The following LSM14A variants were observed in gnomAD, a reference collection of about 807,000 sequenced individuals.
LSM14A encodes protein LSM14 homolog A.
Under a neutral mutation model 52.4 loss-of-function variants are expected in LSM14A, and 14 were observed. The ratio of observed to expected loss-of-function variants is 0.27; its 90% CI spans 0.18 to 0.42. The LOEUF is 0.42. Among genes scored for constraint, LSM14A ranks in the 10% least tolerant of loss-of-function variants. The probability of loss-of-function intolerance (pLI) is 1.00; values close to 1 mark genes in which losing one functional copy is unlikely to be tolerated. For missense variants in LSM14A, 417 were observed against 581.8 expected, an observed-to-expected ratio of 0.72 and a Z score of 2.91; for synonymous variants, 185 against 200.3, an observed-to-expected ratio of 0.92 and a Z score of 0.64.
intron 3 of LSM14A, among the ~76,000 whole-genome samples, chr19:34,206,945 C>A (rs1007964312): frequency 1.3e-5 from 2 of 152,026 alleles, no homozygotes; most frequent in Admixed American, 6.6e-5. Context: ...GTTAACAGAC[C>A]AGGAATAAAG....
intron 3 of LSM14A, among the ~76,000 whole-genome samples, chr19:34,197,431 C>CTTTTTTTTTTTTTTTTTT (rs531343486): frequency 6.3e-5 from 4 of 63,302 alleles, no homozygotes; most frequent in African/African-American, 1.3e-4. Flanking sequence ...ATTTCTTTTT[C>CTTTTTTTTTTTTTTTTTT]TTTTTTTTTT....
chr19:34,204,678 G>T (rs201112210), intron 3 of LSM14A, among the ~76,000 whole-genome samples: 2 of 152,088 alleles, frequency 1.3e-5, no homozygotes, highest in East Asian at 3.8e-4. Flanking sequence ...TGATTCTGCT[G>T]CTGCACTCCA....
chr19:34,203,058 A>G (rs1270793897), intron 3 of LSM14A, among the ~76,000 whole-genome samples: 1 of 152,196 alleles, frequency 6.6e-6, no homozygotes, highest in Non-Finnish European at 1.5e-5. Flanking sequence ...ACACCTCACA[A>G]TAAATGAAGC....
chr19:34,172,546 C>T lies in LSM14A; in HGVS notation c.-97C>T. 1 of 1,371,482 alleles carries T rather than the reference C, an allele frequency of 7.3e-7. No individual in the cohort carries two copies. The highest frequency in any genetic ancestry group is 9.5e-7 in the Non-Finnish European group (1 of 1,053,520). 85.0% of individuals were successfully genotyped at this position (1,371,482 alleles called of 1,614,324 possible). On this transcript the variant is annotated 5_prime_UTR_variant, in exon 1 of 10. Transcript: ENST00000544216. ...CGCCATGTTGGGTCTGAAGCGGCTG[C>T]TGTAGGCGCCGACGGAGCGAGCGGG...
intron 1 of LSM14A, among the ~76,000 whole-genome samples, chr19:34,188,837 A>G (rs2070137970): frequency 6.6e-6 from 1 of 151,038 alleles, no homozygotes; most frequent in African/African-American, 2.4e-5. Flanking sequence ...TTAAATATAT[A>G]TATCATATAT....
At chr19:34,214,518 A>G (rs571859253) in intron 4 of LSM14A, among the ~76,000 whole-genome samples, 1 of 152,204 alleles carries the variant, frequency 6.6e-6, no homozygotes, top group Non-Finnish European at 1.5e-5. Context: ...CATGTTGCCT[A>G]GGCTGGTCTT....
chr19:34,215,776 G>T, intron 6 of LSM14A, 115 bp downstream of exon 6: 4 of 726,508 alleles, frequency 5.5e-6, no homozygotes, highest in Non-Finnish European at 9.3e-6. Flanking sequence ...GACTGTAAAG[G>T]AGGAGCACAG....
chr19:34,196,502 C>A, intron 2 of LSM14A, 132 bp from the exon 3 acceptor site: 2 of 769,742 alleles, frequency 2.6e-6, no homozygotes, highest in Non-Finnish European at 3.8e-6. Flanking sequence ...ATATTAAGTG[C>A]ATATTGTAAT....
At chr19:34,190,718 C>A (rs2070308015) in intron 1 of LSM14A, among the ~76,000 whole-genome samples, 1 of 152,098 alleles carries the variant, frequency 6.6e-6, no homozygotes, top group African/African-American at 2.4e-5. Flanking sequence ...ACTTTGTAGT[C>A]TTTTCCAGAA....
chr19:34,199,250 G>C (rs1052965126), intron 3 of LSM14A, among the ~76,000 whole-genome samples: 2 of 151,788 alleles, frequency 1.3e-5, no homozygotes, highest in African/African-American at 4.8e-5. Context: ...TCAACCTCCC[G>C]AGTAGCTGGG....
intron 9 of LSM14A, among the ~76,000 whole-genome samples, chr19:34,224,346 C>A (rs1446864453): frequency 6.6e-6 from 1 of 152,100 alleles, no homozygotes; most frequent in African/African-American, 2.4e-5. Context: ...AAGGAAAAAA[C>A]AAACCTTCCA....
chr19:34,174,551 T>TTAGAA (rs2068948337), intron 1 of LSM14A, among the ~76,000 whole-genome samples: 1 of 152,254 alleles, frequency 6.6e-6, no homozygotes, highest in African/African-American at 2.4e-5. Flanking sequence ...AGAAATCGGC[T>TTAGAA]ATAGGATGTA....
intron 3 of LSM14A, 61 bp downstream of exon 3, chr19:34,196,824 G>A (rs2070875538): frequency 9.8e-6 from 14 of 1,431,208 alleles, no homozygotes; most frequent in South Asian, 1.3e-5. Context: ...TACCACAAAG[G>A]TATAGAAACT....
rs982944884 is a variant in LSM14A, at chr19:34,188,037, A to G, written c.122-6441A>G. 2.0e-5 allele frequency among the ~76,000 whole-genome samples: 3 copies of G among 152,140 alleles called. No individual in the cohort carries two copies. In the East Asian group the frequency reaches 5.8e-4, roughly 29 times the overall value. On this transcript the variant is annotated intron_variant, in intron 1 of 9. Coordinates refer to ENST00000544216, the MANE Select transcript of LSM14A (RefSeq NM_015578.4). ...ATGGCTCACACCTGTATGTAATTCCAGCACTTTGGGAGGCTGTGGTGGATG... is the reference window on the plus strand; with the variant it reads ...ATGGCTCACACCTGTATGTAATTCCGGCACTTTGGGAGGCTGTGGTGGATG...
chr19:34,197,810 T>C (rs916211818), intron 3 of LSM14A, among the ~76,000 whole-genome samples: 2 of 152,126 alleles, frequency 1.3e-5, no homozygotes, highest in Non-Finnish European at 2.9e-5. Flanking sequence ...CATAGCATGA[T>C]TGAGGGCTTG....
At chr19:34,181,603 A>G (rs1301657567) in intron 1 of LSM14A, among the ~76,000 whole-genome samples, 3 of 151,968 alleles carry the variant, frequency 2.0e-5, no homozygotes, top group Admixed American at 6.6e-5. Flanking sequence ...TTTTCCTCAT[A>G]TCTCACTGGT....
intron 6 of LSM14A, among the ~76,000 whole-genome samples, chr19:34,217,613 CCCCGT>C (rs1226859012): frequency 0.028 from 1,569 of 56,336 alleles, 105 homozygotes; most frequent in African/African-American, 0.046. Context: ...TATCCCCCCC[CCCCGT>C]GTTTTTTTTT....
At chr19:34,202,660 A>C (rs2071386460) in intron 3 of LSM14A, among the ~76,000 whole-genome samples, 1 of 152,076 alleles carries the variant, frequency 6.6e-6, no homozygotes, top group Non-Finnish European at 1.5e-5. Flanking sequence ...GAAGAATAAT[A>C]TACCAGGTAG....
chr19:34,178,151 A>C (rs2069208598), intron 1 of LSM14A, among the ~76,000 whole-genome samples: 1 of 147,928 alleles, frequency 6.8e-6, no homozygotes, highest in Non-Finnish European at 1.5e-5. Context: ...ACAGAGCGAG[A>C]CTCTGTCTCA....
Sources: allele counts gnomAD v4.1 joint callset (sites outside exome capture counted in the v4.1 genomes callset), GRCh38; gene constraint gnomAD v4.1.1; transcripts MANE v1.5; gene names NCBI Gene and HGNC (gene_info 2026-07-23, HGNC 2026-07-21).